The following SMYD3 variants were observed in gnomAD, a reference collection of about 807,000 sequenced individuals.
SMYD3 encodes the protein SET and MYND domain containing 3, also known as histone-lysine N-methyltransferase SMYD3.
A neutral mutation model predicts 57.7 loss-of-function variants in SMYD3; 36 were observed. The observed-to-expected ratio is 0.62, with a 90% CI of 0.48 to 0.82. The LOEUF (loss-of-function observed/expected upper bound fraction) is 0.82. Among genes scored for constraint, SMYD3 ranks in the 40% least tolerant of loss-of-function variants. The pLI is 0.00. For synonymous variants in SMYD3, 211 were observed against 195.0 expected (o/e 1.08, Z -0.68); for missense variants, 515 against 538.8 (o/e 0.96, Z 0.44).
chr1:246,193,809 CCGGGTACTCACG>C (rs1303491181), intron 5 of SMYD3: 2 of 152,240 alleles, frequency 1.3e-5, no homozygotes, highest in African/African-American at 4.8e-5. Flanking sequence ...TCGCAGCTCT[CCGGGTACTCACG>C]CTTCTTTTTC....
At chr1:246,372,915 AT>A (rs2066215272) in intron 1 of SMYD3, among the ~76,000 whole-genome samples, 1 of 152,200 alleles carries the variant, frequency 6.6e-6, no homozygotes, top group Admixed American at 6.5e-5. Context: ...AGGAGGAAAA[AT>A]TCTAAGAGAA....
At chr1:246,259,867 T>C (rs368946354) in intron 5 of SMYD3, among the ~76,000 whole-genome samples, 1 of 152,222 alleles carries the variant, frequency 6.6e-6, no homozygotes, top group African/African-American at 2.4e-5. Context: ...TATCAAGTTC[T>C]CTGCACAGGA....
At chr1:246,501,776 C>G (rs1430918381) in intron 1 of SMYD3, among the ~76,000 whole-genome samples, 1 of 152,228 alleles carries the variant, frequency 6.6e-6, no homozygotes, top group Non-Finnish European at 1.5e-5. Context: ...ACCCAACTAA[C>G]TGTTCCCACT....
intron 10 of SMYD3, among the ~76,000 whole-genome samples, chr1:245,815,700 G>A (rs1455768860): frequency 2.0e-5 from 3 of 152,214 alleles, no homozygotes; most frequent in Admixed American, 6.5e-5. Flanking sequence ...CAGAGACAAA[G>A]GATATGTCTT....
intron 10 of SMYD3, among the ~76,000 whole-genome samples, chr1:245,787,352 G>A (rs771578418): frequency 3.9e-5 from 6 of 152,112 alleles, no homozygotes; most frequent in African/African-American, 1.2e-4. Flanking sequence ...AAGTTCCCGC[G>A]GGGGCAGTCT....
chr1:246,364,598 A>G (rs1300272648), intron 1 of SMYD3, among the ~76,000 whole-genome samples: 1 of 152,256 alleles, frequency 6.6e-6, no homozygotes, highest in Non-Finnish European at 1.5e-5. Context: ...TGATACTGAA[A>G]GGATAAAAAC....
chr1:246,174,561 C>T (rs1412555132), intron 5 of SMYD3, among the ~76,000 whole-genome samples: 1 of 152,198 alleles, frequency 6.6e-6, no homozygotes, highest in African/African-American at 2.4e-5. Context: ...ATTCTCCTAC[C>T]TCAGCCTCTT....
chr1:245,795,730 A>G (rs1426086764), intron 10 of SMYD3, among the ~76,000 whole-genome samples: 1 of 152,094 alleles, frequency 6.6e-6, no homozygotes, highest in African/African-American at 2.4e-5. Flanking sequence ...TCTCTGGTCA[A>G]TCAAGATTTC....
chr1:245,998,109 T>G (rs1019200813), intron 5 of SMYD3, among the ~76,000 whole-genome samples: 6 of 152,182 alleles, frequency 3.9e-5, no homozygotes, highest in Non-Finnish European at 5.9e-5. Flanking sequence ...GATTCCAAAA[T>G]GTACAGTCAC....
intron 10 of SMYD3, among the ~76,000 whole-genome samples, chr1:245,790,509 T>C (rs1256288284): frequency 2.0e-5 from 3 of 152,166 alleles, no homozygotes; most frequent in Admixed American, 6.5e-5. Flanking sequence ...TTGAGGGCAA[T>C]TGTACTTTCT....
At chr1:246,091,492 C>CAAAAAA (rs35295300) in intron 5 of SMYD3, among the ~76,000 whole-genome samples, 1 of 124,402 alleles carries the variant, frequency 8.0e-6, no homozygotes. Flanking sequence ...AACCTCAGCA[C>CAAAAAA]AAAAAAAAAA....
At chr1:246,288,201 G>A (rs1469272227) in intron 5 of SMYD3, among the ~76,000 whole-genome samples, 2 of 149,292 alleles carry the variant, frequency 1.3e-5, no homozygotes, top group Non-Finnish European at 3.0e-5. Flanking sequence ...AGCCTCCTAA[G>A]TAGCTGGAAT....
At chr1:246,054,123 C>T (rs1002833783) in intron 5 of SMYD3, among the ~76,000 whole-genome samples, 3 of 152,138 alleles carry the variant, frequency 2.0e-5, no homozygotes, top group Non-Finnish European at 4.4e-5. Context: ...TGAACAAATA[C>T]TTCTCAAAAG....
At chr1:246,064,839 T>C (rs2060314200) in intron 5 of SMYD3, among the ~76,000 whole-genome samples, 1 of 152,278 alleles carries the variant, frequency 6.6e-6, no homozygotes, top group South Asian at 2.1e-4. Flanking sequence ...CATGTTATCC[T>C]CTTTGCATTG....
intron 5 of SMYD3, among the ~76,000 whole-genome samples, chr1:246,075,941 GAA>G (rs34386298): frequency 3.2e-5 from 3 of 92,956 alleles, no homozygotes; most frequent in Non-Finnish European, 5.0e-5. Context: ...CATATAGCAA[GAA>G]AAAAAAAAAA....
Position 246,355,141 on chromosome 1 carries a change from AT to A in SMYD3, c.165-48del, listed in dbSNP as rs756595720. The A allele has an allele frequency of 4.5e-6, 7 of 1,554,054 alleles. No homozygotes were observed. In the East Asian group the frequency reaches 1.3e-4, roughly 30 times the overall value. ...CTGCATTAAGAAATGAGTGGGAAAC[AT>A]AGTACATAGTTGAAGAAAGAAAACA... On this transcript the variant is annotated intron_variant, in intron 1 of 11. Coordinates refer to ENST00000490107, the MANE Select transcript of SMYD3 (RefSeq NM_001167740.2). The surrounding 1 kb of genome is among the most constrained non-coding windows in gnomAD (Gnocchi z 5.0).
intron 10 of SMYD3, among the ~76,000 whole-genome samples, chr1:245,785,231 TGG>T (rs1405537630): frequency 2.0e-5 from 3 of 152,022 alleles, no homozygotes; most frequent in Non-Finnish European, 4.4e-5. Flanking sequence ...ACGGAGAATG[TGG>T]AGGAGGAGAT....
intron 10 of SMYD3, among the ~76,000 whole-genome samples, chr1:245,778,606 T>C (rs1207661046): frequency 1.3e-5 from 2 of 152,206 alleles, no homozygotes; most frequent in African/African-American, 4.8e-5. Flanking sequence ...GGAAAATGTA[T>C]AGTCTAGTCT....
At chr1:245,972,053 C>T (rs968927881) in intron 5 of SMYD3, among the ~76,000 whole-genome samples, 6 of 152,162 alleles carry the variant, frequency 3.9e-5, no homozygotes, top group Non-Finnish European at 8.8e-5. Context: ...TATAACTGAA[C>T]CAAGTGGGAA....
Sources: gnomAD v4.1 joint callset for allele counts (sites outside exome capture counted in the v4.1 genomes callset) on GRCh38, gnomAD v4.1.1 for gene constraint, Gnocchi (gnomAD v3.1) non-coding constraint, MANE v1.5 for transcripts, NCBI Gene and HGNC (gene_info 2026-07-23, HGNC 2026-07-21) for gene names.